The following SNTG2 variants were observed in gnomAD, a reference collection of about 807,000 sequenced individuals.
SNTG2 encodes the protein syntrophin gamma 2, also known as gamma-2-syntrophin.
In SNTG2, 74 loss-of-function variants were observed where a neutral mutation model predicts 70.9. That is an observed-to-expected ratio of 1.04 (90% CI 0.86 to 1.27). The LOEUF is 1.27. Ranked by LOEUF, SNTG2 falls within the 50% of genes most tolerant of loss-of-function variation. The pLI, the probability that SNTG2 is intolerant of heterozygous loss-of-function variation, is 0.00. For synonymous variants in SNTG2, 278 were observed against 273.8 expected (o/e 1.02, Z -0.15); for missense variants, 717 against 690.7 (o/e 1.04, Z -0.43).
At chr2:1,318,765 T>G (rs1681398986) in intron 16 of SNTG2, among the ~76,000 whole-genome samples, 2 of 151,996 alleles carry the variant, frequency 1.3e-5, no homozygotes, top group African/African-American at 4.8e-5. Flanking sequence ...CTGTTTGCCT[T>G]GGGCGCCATC....
intron 1 of SNTG2, among the ~76,000 whole-genome samples, chr2:953,637 A>G (rs1436893416): frequency 6.6e-6 from 1 of 152,212 alleles, no homozygotes; most frequent in African/African-American, 2.4e-5. Flanking sequence ...ATTTCTATTG[A>G]CGTCTATGAC....
chr2:1,203,672 AAAT>A (rs1375276325), intron 8 of SNTG2, among the ~76,000 whole-genome samples: 1,172 of 96,852 alleles, frequency 0.012, 11 homozygotes, highest in African/African-American at 0.04. Flanking sequence ...ACAAAAAAAA[AAAT>A]ATATATATAT....
intron 16 of SNTG2, chr2:1,346,404 G>C (rs578213742): frequency 1.3e-5 from 2 of 152,428 alleles, no homozygotes; most frequent in African/African-American, 4.8e-5. Flanking sequence ...GCTGATTGTG[G>C]TCTCAGTCCC....
In SNTG2 at chr2:1,193,415, G is replaced by A. The variant is rs566574596; in HGVS notation, c.592-15688G>A. Among the ~76,000 whole-genome samples the A allele has an allele frequency of 9.9e-5, 15 of 152,266 alleles. No homozygotes were observed. The South Asian group carries it at 1.9e-3, about 19-fold the overall frequency. ...AGCCCAGGCTTCATCACTGATACCC[G>A]AGGACCTGCCTGCTTTTGTTTGATT... On this transcript the variant is annotated intron_variant, in intron 8 of 16. Coordinates refer to ENST00000308624, the MANE Select transcript of SNTG2 (RefSeq NM_018968.4).
intron 1 of SNTG2, among the ~76,000 whole-genome samples, chr2:1,078,837 T>C (rs1664092793): frequency 6.6e-6 from 1 of 152,076 alleles, no homozygotes; most frequent in Non-Finnish European, 1.5e-5. Context: ...GCTGGTGAGT[T>C]GGACACTGAG....
chr2:1,217,918 G>A (rs974941003), intron 9 of SNTG2, among the ~76,000 whole-genome samples: 4 of 151,954 alleles, frequency 2.6e-5, no homozygotes, highest in Non-Finnish European at 5.9e-5. Context: ...TCAGGAGTCC[G>A]GCAGCTCCCG....
chr2:1,236,375 G>A lies in SNTG2; in HGVS notation c.720-1513G>A, dbSNP rs998687606. 2.5e-4 allele frequency among the ~76,000 whole-genome samples: 38 copies of A among 152,250 alleles called. 1 individual carries two copies. Among genetic ancestry groups the A allele is most frequent in the Admixed American group, 2.5e-3 (38 of 15,290 alleles). On this transcript the variant is annotated intron_variant, in intron 9 of 16. Coordinates refer to ENST00000308624, the MANE Select transcript of SNTG2 (RefSeq NM_018968.4). ...AAGCGATGGATCCTGAGGGACAGGTGCTCCCCAGGAGGACCAGGAAAGGTG... is the reference window on the plus strand; with the variant it reads ...AAGCGATGGATCCTGAGGGACAGGTACTCCCCAGGAGGACCAGGAAAGGTG...
At chr2:1,364,494 C>T (rs1054743086) in intron 16 of SNTG2, among the ~76,000 whole-genome samples, 1 of 151,762 alleles carries the variant, frequency 6.6e-6, no homozygotes, top group Non-Finnish European at 1.5e-5. Flanking sequence ...CGGTGGCTCA[C>T]GCCTGTAATC....
At chr2:956,408 G>C (rs566122183) in intron 1 of SNTG2, among the ~76,000 whole-genome samples, 1 of 152,364 alleles carries the variant, frequency 6.6e-6, no homozygotes, top group African/African-American at 2.4e-5. Flanking sequence ...TCACCCCGTG[G>C]CTGCATCCTT....
At position 1,197,505 on chromosome 2, in the gene SNTG2, A is replaced by ATATATATATG. The variant is rs1553353419; in HGVS notation, c.592-11597_592-11596insATATATATGT. 5.4e-3 allele frequency among the ~76,000 whole-genome samples: 427 copies of ATATATATATG among 79,576 alleles called. 22 individuals are homozygous for ATATATATATG. The highest frequency in any genetic ancestry group is 0.033 in the East Asian group (41 of 1,236). 52.2% of individuals were successfully genotyped at this position (79,576 alleles called of 152,430 possible). A position where few individuals can be genotyped will look rare whatever the true frequency, so the allele number is the denominator to read the frequency against. ...TATATATGTGTATGTATATATGTGTATGTATATATATGTGTGTGTGTGTGT... is the reference window on the plus strand; with the variant it reads ...TATATATGTGTATGTATATATGTGTATATATATATGTGTATATATATGTGTGTGTGTGTGT... On this transcript the variant is annotated intron_variant, in intron 8 of 16. Coordinates refer to ENST00000308624, the MANE Select transcript of SNTG2 (RefSeq NM_018968.4).
chr2:1,169,001 A>G (rs1036669966), intron 7 of SNTG2, among the ~76,000 whole-genome samples: 2 of 152,064 alleles, frequency 1.3e-5, no homozygotes, highest in Non-Finnish European at 2.9e-5. Context: ...GGTGGACTTG[A>G]GGGCTGCACA....
chr2:1,335,383 T>G (rs1220153046), intron 16 of SNTG2, among the ~76,000 whole-genome samples: 1 of 152,164 alleles, frequency 6.6e-6, no homozygotes, highest in Non-Finnish European at 1.5e-5. Flanking sequence ...CCAACCACGC[T>G]GCCTGCTGTC....
At chr2:1,239,639 C>T in intron 10 of SNTG2, 99 bp from the exon 11 acceptor site, 5 of 1,295,786 alleles carry the variant, frequency 3.9e-6, no homozygotes, top group Non-Finnish European at 5.5e-6. Flanking sequence ...AGGCCTGTTT[C>T]CCAGGACAGA....
intron 4 of SNTG2, among the ~76,000 whole-genome samples, chr2:1,123,245 C>A: frequency 6.6e-6 from 1 of 151,996 alleles, no homozygotes; most frequent in East Asian, 1.9e-4. Context: ...TCACAAAAGA[C>A]CCTGAATGGC....
chr2:1,300,524 C>T (rs774684697), intron 14 of SNTG2, among the ~76,000 whole-genome samples: 3 of 152,156 alleles, frequency 2.0e-5, no homozygotes, highest in African/African-American at 7.2e-5. Context: ...TCACCTGGGC[C>T]GTGCCGGCCC....
chr2:1,155,726 C>A (rs1022977436), intron 6 of SNTG2, among the ~76,000 whole-genome samples: 1 of 152,112 alleles, frequency 6.6e-6, no homozygotes, highest in African/African-American at 2.4e-5. Flanking sequence ...TTCCCAATCA[C>A]CCCCAAGCTT....
At chr2:990,893 T>C (rs942938500) in intron 1 of SNTG2, among the ~76,000 whole-genome samples, 2 of 152,158 alleles carry the variant, frequency 1.3e-5, no homozygotes. Context: ...ATTCACCTTT[T>C]AAAATAGTCA....
At chr2:1,095,913 GCA>G (rs1465027175) in intron 2 of SNTG2, among the ~76,000 whole-genome samples, 2 of 152,142 alleles carry the variant, frequency 1.3e-5, no homozygotes, top group Non-Finnish European at 2.9e-5. Context: ...GTTTGCTGTG[GCA>G]CACAGAGGAG....
At chr2:1,197,410 A>G (rs1445143134) in intron 8 of SNTG2, among the ~76,000 whole-genome samples, 1 of 150,630 alleles carries the variant, frequency 6.6e-6, no homozygotes, top group Non-Finnish European at 1.5e-5. Context: ...GGATCAATTC[A>G]TCAAAAGTCT....
Sources: gnomAD v4.1 joint callset for allele counts (sites outside exome capture counted in the v4.1 genomes callset) on GRCh38, gnomAD v4.1.1 for gene constraint, MANE v1.5 for transcripts, NCBI Gene and HGNC (gene_info 2026-07-23, HGNC 2026-07-21) for gene names.